The following URI1 variants were observed in gnomAD, a reference collection of about 807,000 sequenced individuals.
URI1 encodes unconventional prefoldin RPB5 interactor 1.
A neutral mutation model predicts 60.2 loss-of-function variants in URI1; 39 were observed. The observed-to-expected ratio is 0.65, with a 90% confidence interval of 0.50 to 0.85. The LOEUF (loss-of-function observed/expected upper bound fraction) is 0.85. URI1 is among the 40% of genes least tolerant of loss of function. The probability of loss-of-function intolerance (pLI) is 0.00; values close to 1 mark genes in which losing one functional copy is unlikely to be tolerated. For missense variants in URI1, 691 were observed against 665.9 expected (o/e 1.04, Z -0.42); for synonymous variants, 251 against 236.8 (o/e 1.06, Z -0.55).
chr19:29,970,921 GTC>G (rs1424149520), intron 1 of URI1, among the ~76,000 whole-genome samples: 1 of 152,076 alleles, frequency 6.6e-6, no homozygotes, highest in East Asian at 1.9e-4. Flanking sequence ...TATATCATAT[GTC>G]ACCTAATAGT....
chr19:30,013,009 A>G (rs1401465315), intron 10 of URI1: 4 of 154,344 alleles, frequency 2.6e-5, no homozygotes, highest in African/African-American at 4.8e-5. Context: ...GAATTGTTTT[A>G]TAATCTGATG....
chr19:29,990,374 C>A (rs370920885), intron 4 of URI1, among the ~76,000 whole-genome samples: 9 of 152,294 alleles, frequency 5.9e-5, no homozygotes, highest in African/African-American at 2.2e-4. Flanking sequence ...TTACTGTGAT[C>A]TAGCAGTTCC....
At chr19:29,964,464 GT>G (rs373357906) in intron 1 of URI1, among the ~76,000 whole-genome samples, 3,364 of 124,582 alleles carry the variant, frequency 0.027, 129 homozygotes, top group African/African-American at 0.095. Flanking sequence ...TTTTTGTTTT[GT>G]TTTTTTTTTT....
chr19:29,985,898 T>G (rs2055662447), intron 3 of URI1, among the ~76,000 whole-genome samples: 1 of 152,226 alleles, frequency 6.6e-6, no homozygotes, highest in South Asian at 2.1e-4. Context: ...TCTACTTTAT[T>G]GAAAATAATT....
intron 1 of URI1, chr19:29,956,511 C>G: frequency 6.3e-7 from 1 of 1,577,336 alleles, no homozygotes; most frequent in Non-Finnish European, 8.6e-7. Flanking sequence ...GTTGCTGAAT[C>G]AAAGCTGCTG....
intron 4 of URI1, among the ~76,000 whole-genome samples, chr19:29,986,902 A>T (rs950963605): frequency 6.6e-6 from 1 of 152,136 alleles, no homozygotes; most frequent in Non-Finnish European, 1.5e-5. Context: ...GATAGAGGAG[A>T]CCAGGTGTGA....
intron 4 of URI1, among the ~76,000 whole-genome samples, chr19:29,999,086 G>A (rs2055846856): frequency 6.6e-6 from 1 of 151,886 alleles, no homozygotes; most frequent in Admixed American, 6.6e-5. Context: ...TTCCTGTTCA[G>A]CTCCTTCACC....
intron 8 of URI1, among the ~76,000 whole-genome samples, chr19:30,009,657 G>A (rs1470614745): frequency 6.6e-6 from 1 of 152,056 alleles, no homozygotes; most frequent in Non-Finnish European, 1.5e-5. Flanking sequence ...TAAGAATCCT[G>A]GAGTTAATTA....
At position 29,995,725 on chromosome 19, in the gene URI1, G is replaced by GT. The variant is rs573446078; in HGVS notation, c.367+9319dup. 8.9e-3 allele frequency among the ~76,000 whole-genome samples: 1,274 copies of GT among 142,542 alleles called. 16 individuals are homozygous for GT. The highest frequency in any genetic ancestry group is 0.025 in the African/African-American group (976 of 39,142). The allele number at this position is 142,542 out of a possible 152,430, so 93.5% of individuals were successfully genotyped here. On this transcript the variant is annotated intron_variant, in intron 4 of 10. Transcript: ENST00000392271. ...AAATGTCATGAAGCAGCTTCCCTGTGTTTTTTTTTTTGAGTTTCCTAGATT... is the reference window on the plus strand; with the variant it reads ...AAATGTCATGAAGCAGCTTCCCTGTGTTTTTTTTTTTTGAGTTTCCTAGATT...
intron 7 of URI1, among the ~76,000 whole-genome samples, chr19:30,008,171 T>C (rs1350334898): frequency 6.6e-6 from 1 of 152,142 alleles, no homozygotes. Context: ...GAAATTGCTG[T>C]TTGAAATACA....
intron 1 of URI1, among the ~76,000 whole-genome samples, chr19:29,928,512 G>C (rs891187511): frequency 1.3e-4 from 20 of 152,018 alleles, no homozygotes; most frequent in Non-Finnish European, 2.9e-4. Context: ...TCAGTTCCTG[G>C]TAGATGAAAG....
chr19:29,936,300 G>A (rs963995103), intron 1 of URI1, among the ~76,000 whole-genome samples: 3 of 151,344 alleles, frequency 2.0e-5, no homozygotes, highest in East Asian at 2.0e-4. Context: ...ATGGGGTTTC[G>A]CCATATTGGT....
intron 10 of URI1, chr19:30,014,141 A>G (rs1599730830): frequency 6.6e-6 from 1 of 152,080 alleles, no homozygotes; most frequent in East Asian, 1.9e-4. Context: ...ATGTACAGAT[A>G]TTTCCAGCAA....
intron 1 of URI1, among the ~76,000 whole-genome samples, chr19:29,962,355 T>C (rs2145296294): frequency 6.6e-6 from 1 of 151,482 alleles, no homozygotes; most frequent in East Asian, 1.9e-4. Flanking sequence ...ACTACTTTTA[T>C]ACTGTACTTA....
At chr19:29,942,699 C>T in intron 1 of URI1, 35 bp downstream of exon 1, 1 of 1,363,370 alleles carries the variant, frequency 7.3e-7, no homozygotes, top group Non-Finnish European at 9.4e-7. Context: ...CCGCCTCCGC[C>T]CGCCGGGCTG....
chr19:30,001,667 C>T (rs1179340716), intron 4 of URI1, among the ~76,000 whole-genome samples: 1 of 151,944 alleles, frequency 6.6e-6, no homozygotes, highest in Non-Finnish European at 1.5e-5. Context: ...ATTGCCTTTT[C>T]CAGGTCCGAT....
chr19:29,996,657 A>G (rs979507836), intron 4 of URI1, among the ~76,000 whole-genome samples: 4 of 152,170 alleles, frequency 2.6e-5, no homozygotes, highest in Admixed American at 6.5e-5. Flanking sequence ...AGACATGTTC[A>G]TAGTGAGCAT....
upstream of URI1, among the ~76,000 whole-genome samples, chr19:29,939,705 C>T (rs891365411): frequency 1.3e-5 from 2 of 152,202 alleles, no homozygotes; most frequent in Non-Finnish European, 2.9e-5. Flanking sequence ...ATTATTTGAA[C>T]TGAGGCCTGA....
intron 1 of URI1, among the ~76,000 whole-genome samples, chr19:29,930,670 T>A (rs559244116): frequency 1.3e-5 from 2 of 152,254 alleles, no homozygotes; most frequent in African/African-American, 4.8e-5. Context: ...TTGGACTATA[T>A]GACTATCTGA....
Sources: allele counts gnomAD v4.1 joint callset (sites outside exome capture counted in the v4.1 genomes callset), GRCh38; gene constraint gnomAD v4.1.1; transcripts MANE v1.5; gene names NCBI Gene and HGNC (gene_info 2026-07-23, HGNC 2026-07-21).